CSMD2: variants seen among roughly 807,000 people sequenced by gnomAD.
CSMD2 encodes the protein CUB and Sushi multiple domains 2, also known as CUB and sushi domain-containing protein 2.
CSMD2 carries 130 observed loss-of-function variants against 398.5 expected under a neutral mutation model. The observed-to-expected ratio is 0.33, with a 90% CI of 0.28 to 0.38. The LOEUF is 0.38. Among genes scored for constraint, CSMD2 ranks in the 10% least tolerant of loss-of-function variants. The probability of loss-of-function intolerance (pLI) is 1.00; values close to 1 mark genes in which losing one functional copy is unlikely to be tolerated. For missense variants in CSMD2, 3,829 were observed against 4,764.9 expected (o/e 0.80, Z 5.78); for synonymous variants, 1,828 against 1,908.5 (o/e 0.96, Z 1.10).
chr1:33,958,877 A>G lies in CSMD2; in HGVS notation c.518-22923T>C, dbSNP rs557383759. On this transcript the variant is annotated intron_variant, in intron 3 of 70. Transcript: ENST00000373381. The stretch of plus-strand genomic sequence containing the variant: ...TGCTATGTGCGTGGTGATTTTTTTT[A>G]TGCAGCAGAAAGAAAGCTGAAACAG... Among the ~76,000 whole-genome samples, 4 of 152,292 alleles carry G rather than the reference A, an allele frequency of 2.6e-5. No homozygotes were observed. In the South Asian group the frequency reaches 6.2e-4, roughly 24 times the overall value.
chr1:34,036,415 C>G (rs1002789786), intron 2 of CSMD2, among the ~76,000 whole-genome samples: 1 of 152,098 alleles, frequency 6.6e-6, no homozygotes, highest in Non-Finnish European at 1.5e-5. Context: ...AAGCTAATCT[C>G]AAAAGATCAC....
At chr1:33,931,614 GA>G (rs908921769) in intron 4 of CSMD2, among the ~76,000 whole-genome samples, 7 of 152,174 alleles carry the variant, frequency 4.6e-5, no homozygotes, top group Non-Finnish European at 7.3e-5. Flanking sequence ...CTAGAAGCAG[GA>G]TTTGACATCC....
intron 5 of CSMD2, among the ~76,000 whole-genome samples, chr1:33,901,638 A>G (rs1642764309): frequency 2.0e-5 from 3 of 152,240 alleles, no homozygotes; most frequent in Admixed American, 6.5e-5. Context: ...AGGTGAGACT[A>G]GACTTCAAGG....
intron 5 of CSMD2, among the ~76,000 whole-genome samples, chr1:33,895,302 G>T (rs1378983015): frequency 2.6e-5 from 4 of 152,168 alleles, no homozygotes; most frequent in African/African-American, 9.7e-5. Context: ...TAGGCAAACA[G>T]CTTCTCATGA....
intron 9 of CSMD2, among the ~76,000 whole-genome samples, chr1:33,811,728 A>AT (rs1282460657): frequency 3.3e-5 from 5 of 152,232 alleles, no homozygotes; most frequent in African/African-American, 1.2e-4. Context: ...CAGTTAAGGT[A>AT]CTACGTTGTA....
At position 33,569,414 on chromosome 1, in the gene CSMD2, C is replaced by T; in HGVS notation, c.8091G>A (p.Met2697Ile). 6.2e-7 allele frequency: 1 copy of T among 1,614,202 alleles called. No homozygotes were observed. The highest frequency in any genetic ancestry group is 1.1e-5 in the South Asian group (1 of 91,088). ...TLVGSRVREC[M>I]ANGLWSGSEV... The stretch of plus-strand genomic sequence containing the variant: ...CAGAGCCACTCCAGAGCCCATTGGC[C>T]ATGCACTCACGCACCCTGGAGCCCA... The change falls in exon 52 of 71, where the codon ATG becomes ATA. Residue 2697 changes from methionine (M) to isoleucine (I), a missense_variant. Around this residue, in one of 5 missense-constraint regions of CSMD2, gnomAD observed 723 missense variants for 758.6 expected, o/e 0.95. Transcript: ENST00000373381.
intron 2 of CSMD2, among the ~76,000 whole-genome samples, chr1:34,048,789 T>C (rs1415757252): frequency 6.6e-6 from 1 of 152,146 alleles, no homozygotes; most frequent in Non-Finnish European, 1.5e-5. Context: ...ACTAAACATA[T>C]TATTATCAGC....
chr1:33,671,000 G>A (rs561339944), intron 25 of CSMD2, among the ~76,000 whole-genome samples: 1 of 152,282 alleles, frequency 6.6e-6, no homozygotes, highest in Admixed American at 6.5e-5. Context: ...AGGGTGAGAA[G>A]GGGACAGAAT....
rs190953999 is a variant in CSMD2 at position 33,857,795 on chromosome 1, A to G, written c.921-10799T>C. The stretch of plus-strand genomic sequence containing the variant: ...TCTCCAAAAGAAGGAATGTGCTCAA[A>G]AGAAGTGAGGAGTGCTAGGCAGACA... On this transcript the variant is annotated intron_variant, in intron 5 of 70. Transcript: ENST00000373381. 1.9e-3 allele frequency among the ~76,000 whole-genome samples: 284 copies of G among 152,312 alleles called. 3 individuals carry two copies. The highest frequency in any genetic ancestry group is 2.3e-3 in the Non-Finnish European group (155 of 68,024).
At chr1:33,676,031 C>T (rs1462833348) in intron 25 of CSMD2, among the ~76,000 whole-genome samples, 4 of 152,184 alleles carry the variant, frequency 2.6e-5, no homozygotes, top group Non-Finnish European at 2.9e-5. Flanking sequence ...TGGAAGCATT[C>T]CCTTTGAAAA....
intron 5 of CSMD2, among the ~76,000 whole-genome samples, chr1:33,849,699 G>T (rs757168620): frequency 6.6e-6 from 1 of 151,732 alleles, no homozygotes; most frequent in Non-Finnish European, 1.5e-5. Flanking sequence ...GAGGCCAAGC[G>T]GGGAGGATTG....
rs528356364 is a variant in CSMD2 at position 33,688,724 on chromosome 1, G to A, written c.4052+4206C>T. Among the ~76,000 whole-genome samples the A allele has an allele frequency of 2.6e-5, 4 of 152,248 alleles. No homozygotes were observed. The East Asian group carries it at 7.7e-4, about 29-fold the overall frequency. On this transcript the variant is annotated intron_variant, in intron 25 of 70. Transcript: ENST00000373381. ...CCAGCTACTTGGGAGGCTGAGGCAT[G>A]AGAACTGCTTGAACCTGGAAGGTAG...
At chr1:34,126,782 C>T (rs1226081395) in intron 1 of CSMD2, among the ~76,000 whole-genome samples, 2 of 100,202 alleles carry the variant, frequency 2.0e-5, no homozygotes, top group Non-Finnish European at 4.1e-5. Flanking sequence ...CAAGGAGAGA[C>T]TCGGGGAGAG....
At chr1:34,150,982 A>AG (rs1343087479) in intron 1 of CSMD2, among the ~76,000 whole-genome samples, 26 of 152,026 alleles carry the variant, frequency 1.7e-4, no homozygotes, top group South Asian at 1.0e-3. Context: ...ATGCTGATAA[A>AG]GGGGGGGCGG....
At chr1:33,719,623 G>C (rs1170911279) in intron 19 of CSMD2, among the ~76,000 whole-genome samples, 1 of 152,172 alleles carries the variant, frequency 6.6e-6, no homozygotes, top group East Asian at 1.9e-4. Flanking sequence ...TACCACATAG[G>C]AGCAGAAAGA....
At chr1:34,063,918 A>T (rs528202678) in intron 2 of CSMD2, among the ~76,000 whole-genome samples, 2 of 152,222 alleles carry the variant, frequency 1.3e-5, no homozygotes, top group Non-Finnish European at 2.9e-5. Flanking sequence ...ACTTCTGCAC[A>T]CCAGCAGACT....
chr1:33,610,226 A>ATTTTT (rs11367076), intron 41 of CSMD2, among the ~76,000 whole-genome samples: 1 of 144,404 alleles, frequency 6.9e-6, no homozygotes, highest in African/African-American at 2.5e-5. Flanking sequence ...CAGTGTTTAG[A>ATTTTT]TTTTTTTTTT....
intron 3 of CSMD2, among the ~76,000 whole-genome samples, chr1:34,007,830 TA>T (rs1647107611): frequency 6.6e-6 from 1 of 152,178 alleles, no homozygotes; most frequent in African/African-American, 2.4e-5. Flanking sequence ...TGGTTATATC[TA>T]GGGGGTGTGA....
At chr1:33,848,432 C>A (rs1269278233) in intron 5 of CSMD2, among the ~76,000 whole-genome samples, 1 of 152,166 alleles carries the variant, frequency 6.6e-6, no homozygotes, top group Non-Finnish European at 1.5e-5. Flanking sequence ...ACTGATTCTC[C>A]TGTTGATCTA....
Sources: allele counts gnomAD v4.1 joint callset (sites outside exome capture counted in the v4.1 genomes callset), GRCh38; gene constraint gnomAD v4.1.1; regional missense constraint gnomAD v4.1.1; transcripts MANE v1.5; gene names NCBI Gene and HGNC (gene_info 2026-07-23, HGNC 2026-07-21).